SDK1: variants seen among roughly 807,000 people sequenced by gnomAD.
The protein encoded by SDK1 is protein sidekick-1.
SDK1 carries 157 observed loss-of-function variants against 245.5 expected under a neutral mutation model. That is an observed-to-expected ratio of 0.64 (90% CI 0.56 to 0.73). The LOEUF (loss-of-function observed/expected upper bound fraction) is 0.73, where lower values mean the gene tolerates loss of function less well. Among genes scored for constraint, SDK1 ranks in the 30% least tolerant of loss-of-function variants. The pLI is 0.00. For missense variants in SDK1, 3,583 were observed against 3,002.3 expected, an observed-to-expected ratio of 1.19 and a Z score of -4.52; for synonymous variants, 1,647 against 1,278.5, an observed-to-expected ratio of 1.29 and a Z score of -6.15.
chr7:3,538,133 A>G (rs1304079675), intron 1 of SDK1, among the ~76,000 whole-genome samples: 1 of 152,142 alleles, frequency 6.6e-6, no homozygotes, highest in African/African-American at 2.4e-5. Context: ...ATTTCTTAGC[A>G]TGACATCCAG....
intron 37 of SDK1, among the ~76,000 whole-genome samples, chr7:4,208,521 T>A (rs1784358305): frequency 6.6e-6 from 1 of 152,194 alleles, no homozygotes; most frequent in Admixed American, 6.5e-5. Context: ...GTTGGAGCAA[T>A]GCATGCTTTT....
intron 4 of SDK1, among the ~76,000 whole-genome samples, chr7:3,702,429 G>C (rs986766770): frequency 2.0e-5 from 3 of 152,140 alleles, no homozygotes; most frequent in African/African-American, 7.2e-5. Context: ...TGTATTCGTG[G>C]CTCCTGCAGA....
chr7:3,766,554 G>C (rs892835100), intron 4 of SDK1, among the ~76,000 whole-genome samples: 1 of 152,038 alleles, frequency 6.6e-6, no homozygotes, highest in African/African-American at 2.4e-5. Flanking sequence ...AGTTATTAGA[G>C]GGAATAATAT....
chr7:3,733,001 C>T (rs758889875), intron 4 of SDK1, among the ~76,000 whole-genome samples: 28 of 152,102 alleles, frequency 1.8e-4, no homozygotes, highest in Non-Finnish European at 3.2e-4. Flanking sequence ...GTTTTGTTTC[C>T]GTTTTTGTCA....
At chr7:4,204,421 G>A (rs1291968094) in intron 35 of SDK1, among the ~76,000 whole-genome samples, 1 of 152,146 alleles carries the variant, frequency 6.6e-6, no homozygotes, top group African/African-American at 2.4e-5. Context: ...AGGGTGGGCA[G>A]TGATAATACG....
intron 14 of SDK1, among the ~76,000 whole-genome samples, chr7:4,007,733 A>G (rs1785599647): frequency 6.6e-6 from 1 of 151,954 alleles, no homozygotes; most frequent in South Asian, 2.1e-4. Context: ...CCTCCTGAGT[A>G]GCTGCGATTA....
intron 5 of SDK1, among the ~76,000 whole-genome samples, chr7:3,910,571 A>G (rs1466807879): frequency 2.0e-5 from 3 of 152,092 alleles, no homozygotes; most frequent in Non-Finnish European, 4.4e-5. Context: ...CCTAGTCTGA[A>G]GCTTTTACAG....
At chr7:3,788,621 G>A (rs1780984363) in intron 4 of SDK1, among the ~76,000 whole-genome samples, 1 of 152,088 alleles carries the variant, frequency 6.6e-6, no homozygotes, top group South Asian at 2.1e-4. Flanking sequence ...GAATTGTCTT[G>A]GGCCCCACAT....
intron 1 of SDK1, among the ~76,000 whole-genome samples, chr7:3,612,151 G>A (rs551312769): frequency 2.0e-5 from 3 of 152,242 alleles, no homozygotes; most frequent in South Asian, 4.1e-4. Context: ...ACACTGCTCA[G>A]GTGATGAGTG....
chr7:3,658,709 G>C (rs1352088220), intron 4 of SDK1, among the ~76,000 whole-genome samples: 3 of 150,560 alleles, frequency 2.0e-5, no homozygotes, highest in Admixed American at 2.0e-4. Context: ...CCACCTCCCA[G>C]GTTCAAGAAA....
chr7:3,619,739 A>C (rs1781876560), intron 2 of SDK1, among the ~76,000 whole-genome samples: 1 of 152,216 alleles, frequency 6.6e-6, no homozygotes, highest in Non-Finnish European at 1.5e-5. Flanking sequence ...AGCAGCAATA[A>C]AACAGTATAT....
chr7:4,005,640 C>T (rs902132384), intron 14 of SDK1, among the ~76,000 whole-genome samples: 2 of 152,062 alleles, frequency 1.3e-5, no homozygotes, highest in South Asian at 2.1e-4. Flanking sequence ...CCTCCCCAAG[C>T]GGGTTTCTGT....
At chr7:4,146,930 G>A (rs1256924418) in intron 29 of SDK1, among the ~76,000 whole-genome samples, 1 of 152,182 alleles carries the variant, frequency 6.6e-6, no homozygotes, top group African/African-American at 2.4e-5. Context: ...ACTCCCCTCT[G>A]ACACCACGAG....
At chr7:3,775,721 C>T (rs377104380) in intron 4 of SDK1, among the ~76,000 whole-genome samples, 4 of 151,894 alleles carry the variant, frequency 2.6e-5, no homozygotes, top group South Asian at 4.2e-4. Flanking sequence ...GGACTACAGG[C>T]GCCCGCCACC....
At chr7:3,432,249 T>C (rs991151563) in intron 1 of SDK1, among the ~76,000 whole-genome samples, 1 of 151,778 alleles carries the variant, frequency 6.6e-6, no homozygotes, top group Non-Finnish European at 1.5e-5. Context: ...CTGTGCTGTA[T>C]TTTGGCTATC....
chr7:3,558,682 C>G (rs1940976777), intron 1 of SDK1, among the ~76,000 whole-genome samples: 2 of 152,150 alleles, frequency 1.3e-5, no homozygotes, highest in African/African-American at 4.8e-5. Flanking sequence ...AAGCCTGTGT[C>G]TGAGATTATC....
chr7:4,127,581 C>T, intron 26 of SDK1, 85 bp downstream of exon 26: 1 of 941,662 alleles, frequency 1.1e-6, no homozygotes, highest in Non-Finnish European at 1.7e-6. Flanking sequence ...AAGCAACGAG[C>T]TTCCTCTTCT....
In SDK1 at chr7:3,612,284, A is replaced by G. The variant is rs73673646; in HGVS notation, c.299-6796A>G. ...TATCATAGGATCCTCTTACAGCATC[A>G]TAATGTGGACCTGTCTATATTTGCA... On this transcript the variant is annotated intron_variant, in intron 1 of 44. Transcript: ENST00000404826. 6.9e-3 allele frequency among the ~76,000 whole-genome samples: 1,046 copies of G among 152,362 alleles called. 15 individuals are homozygous for G. The highest frequency in any genetic ancestry group is 0.024 in the African/African-American group (1,011 of 41,594).
At position 3,630,177 on chromosome 7, in the gene SDK1, C is replaced by T. The variant is rs577979087; in HGVS notation, c.459-8827C>T. Among the ~76,000 whole-genome samples the T allele has an allele frequency of 7.2e-5, 11 of 152,164 alleles. No homozygotes were observed. The South Asian group carries it at 1.9e-3, about 26-fold the overall frequency. ...CTAATAGATGTGTAGTTGGAATCCC[C>T]CAAGGAGGCAGTCAGAGGAAAAATA... On this transcript the variant is annotated intron_variant, in intron 2 of 44. Coordinates refer to ENST00000404826, the MANE Select transcript of SDK1 (RefSeq NM_152744.4).
Sources: gnomAD v4.1 joint callset for allele counts (sites outside exome capture counted in the v4.1 genomes callset) on GRCh38, gnomAD v4.1.1 for gene constraint, MANE v1.5 for transcripts, NCBI Gene and HGNC (gene_info 2026-07-23, HGNC 2026-07-21) for gene names.